PINX1: variants seen among roughly 807,000 people sequenced by gnomAD.
PINX1 encodes PIN2 (TERF1) interacting telomerase inhibitor 1.
In PINX1, 34 loss-of-function variants were observed where a neutral mutation model predicts 25.4. The ratio of observed to expected loss-of-function variants is 1.34; its 90% CI spans 1.02 to 1.78. The LOEUF (loss-of-function observed/expected upper bound fraction) is 1.78. Ranked by LOEUF, PINX1 falls within the 40% of genes most tolerant of loss-of-function variation. PINX1 has a pLI of 0.00. For missense variants in PINX1, 592 were observed against 404.9 expected (o/e 1.46, Z -3.97); for synonymous variants, 197 against 147.7 (o/e 1.33, Z -2.42).
chr8:10,829,688 T>C (rs1033722260), intron 4 of PINX1, among the ~76,000 whole-genome samples: 21 of 123,344 alleles, frequency 1.7e-4, no homozygotes, highest in Admixed American at 1.4e-3. Context: ...CATTCTTACA[T>C]TCTTTTTTTT....
chr8:10,792,056 T>C (rs899080610), intron 6 of PINX1, among the ~76,000 whole-genome samples: 24 of 152,312 alleles, frequency 1.6e-4, no homozygotes, highest in South Asian at 1.2e-3. Flanking sequence ...AGGGTAGCGC[T>C]GGAGCTTGTC....
chr8:10,791,317 A>G (rs551520428), intron 6 of PINX1, among the ~76,000 whole-genome samples: 1 of 152,354 alleles, frequency 6.6e-6, no homozygotes, highest in African/African-American at 2.4e-5. Flanking sequence ...CTGCAGCTAA[A>G]GCATCTGAAG....
At chr8:10,789,369 AT>A (rs1801851557) in intron 6 of PINX1, among the ~76,000 whole-genome samples, 1 of 152,246 alleles carries the variant, frequency 6.6e-6, no homozygotes, top group Non-Finnish European at 1.5e-5. Flanking sequence ...ACATAGCAAA[AT>A]GATCCCCACA....
chr8:10,795,764 CA>C (rs1230109294), intron 6 of PINX1, among the ~76,000 whole-genome samples: 2 of 152,078 alleles, frequency 1.3e-5, no homozygotes, highest in Admixed American at 6.5e-5. Flanking sequence ...TAGGTAAAGT[CA>C]AAAGTAAAGT....
intron 6 of PINX1, among the ~76,000 whole-genome samples, chr8:10,785,976 C>A (rs571950529): frequency 3.8e-4 from 58 of 152,278 alleles, no homozygotes; most frequent in Middle Eastern, 3.4e-3. Flanking sequence ...TATATCACTA[C>A]CAGATTAAGG....
At chr8:10,820,101 A>C in intron 6 of PINX1, 92 bp downstream of exon 6, 1 of 821,114 alleles carries the variant, frequency 1.2e-6, no homozygotes, top group Non-Finnish European at 2.1e-6. Context: ...GTTTGTCAGA[A>C]AAGTACTAGT....
intron 6 of PINX1, among the ~76,000 whole-genome samples, chr8:10,816,570 C>T (rs1483055171): frequency 6.6e-6 from 1 of 152,240 alleles, no homozygotes; most frequent in Admixed American, 6.5e-5. Context: ...CAACCCCTAA[C>T]AGCTCACCTC....
At chr8:10,833,984 C>G (rs186812946) in intron 2 of PINX1, among the ~76,000 whole-genome samples, 3 of 152,142 alleles carry the variant, frequency 2.0e-5, no homozygotes, top group Non-Finnish European at 4.4e-5. Context: ...ATTTACAAAT[C>G]TAGAGCTCAG....
Position 10,765,729 on chromosome 8 carries a change from G to C in PINX1, c.659C>G (p.Thr220Arg), listed in dbSNP as rs774063471. The C allele has an allele frequency of 6.2e-7, 1 of 1,613,956 alleles. No homozygotes were observed. Among genetic ancestry groups the C allele is most frequent in the Admixed American group, 1.7e-5 (1 of 60,016 alleles). ...GAGGTAACTTTCCACATCTTTACCTGTGGCCTCTTTATTTCTTTTCTTCCC... is the reference window on the plus strand; with the variant it reads ...GAGGTAACTTTCCACATCTTTACCTCTGGCCTCTTTATTTCTTTTCTTCCC... ...KRGKKRNKEA[T>R]GKDVESYLQP... The change falls in exon 7 of 7, where the codon ACA (threonine) becomes AGA (arginine). Residue 220 changes from threonine (T) to arginine (R), a missense_variant. Coordinates refer to ENST00000314787, the MANE Select transcript of PINX1 (RefSeq NM_017884.6).
intron 1 of PINX1, among the ~76,000 whole-genome samples, chr8:10,835,847 A>C (rs891218179): frequency 1.3e-5 from 2 of 152,196 alleles, no homozygotes; most frequent in African/African-American, 2.4e-5. Flanking sequence ...AACTGCTTTG[A>C]ATCTCATCAA....
intron 6 of PINX1, among the ~76,000 whole-genome samples, chr8:10,804,146 A>G (rs972934681): frequency 4.6e-5 from 7 of 152,234 alleles, no homozygotes; most frequent in African/African-American, 1.7e-4. Flanking sequence ...CATGCCAGGC[A>G]GCAGACAGTA....
rs578062304 is a variant in PINX1, at chr8:10,765,098, G to A, written c.*303C>T. On this transcript the variant is annotated 3_prime_UTR_variant, in exon 7 of 7. Transcript: ENST00000314787. ...GATGCGCACATGCACACACACGTGT[G>A]CACACTTACATGAATGCATGTATTT... 1.0e-4 allele frequency: 35 copies of A among 351,440 alleles called. No homozygotes were observed. Among genetic ancestry groups the A allele is most frequent in the African/African-American group, 4.2e-4 (20 of 47,974 alleles). 21.8% of individuals were successfully genotyped at this position (351,440 alleles called of 1,614,324 possible).
Position 10,834,719 on chromosome 8 carries a change from C to T in PINX1, c.76G>A (p.Asp26Asn), listed in dbSNP as rs142521930. Residue 26 changes from aspartate (D) to asparagine (N), a missense_variant, in exon 2 of 7, where the codon GAT becomes AAT. Transcript: ENST00000314787. ...DPQNTAWSNDDSKFGQRMLEK... is the reference protein window; with the variant it reads ...DPQNTAWSNDNSKFGQRMLEK... ...AGCATCCGCTGGCCAAACTTGGAAT[C>T]GTCATTACTCCAGGCAGTGTTCTGA... 6 of 1,613,946 alleles carry T rather than the reference C, an allele frequency of 3.7e-6. No individual in the cohort carries two copies. Among genetic ancestry groups the T allele is most frequent in the East Asian group, 2.2e-5 (1 of 44,882 alleles).
intron 6 of PINX1, among the ~76,000 whole-genome samples, chr8:10,819,065 G>A (rs13270324): frequency 0.017 from 2,635 of 152,300 alleles, 36 homozygotes; most frequent in Non-Finnish European, 0.028. Flanking sequence ...AGTGACCACT[G>A]CCTATCCCGT....
chr8:10,797,833 AG>A (rs1339828920), intron 6 of PINX1, among the ~76,000 whole-genome samples: 2 of 152,238 alleles, frequency 1.3e-5, no homozygotes, highest in Non-Finnish European at 2.9e-5. Flanking sequence ...ATGGTACAGC[AG>A]GAACTAGTGA....
chr8:10,793,448 T>C (rs949320765), intron 6 of PINX1, among the ~76,000 whole-genome samples: 1 of 152,156 alleles, frequency 6.6e-6, no homozygotes, highest in Admixed American at 6.5e-5. Context: ...ACAGCTGATG[T>C]GCTATTTAAA....
intron 6 of PINX1, among the ~76,000 whole-genome samples, chr8:10,780,099 AG>A (rs1801537087): frequency 6.6e-6 from 1 of 152,254 alleles, no homozygotes; most frequent in Non-Finnish European, 1.5e-5. Context: ...GCATTCATTT[AG>A]TTCTAACAGT....
intron 6 of PINX1, among the ~76,000 whole-genome samples, chr8:10,773,781 G>A (rs951422193): frequency 1.3e-5 from 2 of 152,136 alleles, no homozygotes; most frequent in African/African-American, 4.8e-5. Flanking sequence ...TCAACATCAG[G>A]ATCACTGACA....
At chr8:10,825,853 T>A (rs1350965391) in intron 5 of PINX1, among the ~76,000 whole-genome samples, 1 of 152,260 alleles carries the variant, frequency 6.6e-6, no homozygotes. Context: ...CTGACCTAGC[T>A]ACATAAAGTC....
Sources: allele counts gnomAD v4.1 joint callset (sites outside exome capture counted in the v4.1 genomes callset), GRCh38; gene constraint gnomAD v4.1.1; transcripts MANE v1.5; gene names NCBI Gene and HGNC (gene_info 2026-07-23, HGNC 2026-07-21).